Variants in DOK5 observed in about 807,000 individuals in gnomAD.
DOK5 encodes the protein downstream of tyrosine kinase 5.
In DOK5, 27 loss-of-function variants were observed where a neutral mutation model predicts 43.3. The ratio of observed to expected loss-of-function variants is 0.62; its 90% CI spans 0.46 to 0.86. The LOEUF (loss-of-function observed/expected upper bound fraction) is 0.86, where lower values mean the gene tolerates loss of function less well. Among genes scored for constraint, DOK5 ranks in the 40% least tolerant of loss-of-function variants. The pLI is 0.00. For synonymous variants in DOK5, 146 were observed against 140.1 expected, an observed-to-expected ratio of 1.04 and a Z score of -0.30; for missense variants, 373 against 392.9, an observed-to-expected ratio of 0.95 and a Z score of 0.43.
At chr20:54,624,815 G>T (rs2146809573) in intron 6 of DOK5, among the ~76,000 whole-genome samples, 1 of 152,306 alleles carries the variant, frequency 6.6e-6, no homozygotes, top group African/African-American at 2.4e-5. Context: ...TGCATCTGGT[G>T]CTCGGCAACA....
chr20:54,529,057 C>T (rs1467549546), intron 1 of DOK5, among the ~76,000 whole-genome samples: 1 of 152,184 alleles, frequency 6.6e-6, no homozygotes, highest in Non-Finnish European at 1.5e-5. Flanking sequence ...CAGGGAGAGA[C>T]AACCAGGTGC....
intron 1 of DOK5, among the ~76,000 whole-genome samples, chr20:54,533,276 C>T (rs1983842988): frequency 6.6e-6 from 1 of 152,188 alleles, no homozygotes; most frequent in Admixed American, 6.5e-5. Flanking sequence ...CTTCTCCAGA[C>T]ATTGTCAAAT....
chr20:54,550,594 A>G (rs1984497089), intron 1 of DOK5, among the ~76,000 whole-genome samples: 1 of 152,192 alleles, frequency 6.6e-6, no homozygotes, highest in Non-Finnish European at 1.5e-5. Context: ...TTCCGTTTCT[A>G]TAATTTTGTG....
At chr20:54,621,511 G>A (rs1986975718) in intron 6 of DOK5, among the ~76,000 whole-genome samples, 1 of 152,052 alleles carries the variant, frequency 6.6e-6, no homozygotes, top group Non-Finnish European at 1.5e-5. Context: ...GGCCAACATG[G>A]TGAAACCCTG....
At chr20:54,640,715 T>A (rs1236394220) in intron 6 of DOK5, among the ~76,000 whole-genome samples, 1 of 152,242 alleles carries the variant, frequency 6.6e-6, no homozygotes, top group East Asian at 1.9e-4. Context: ...TAAATATATT[T>A]GCAGTGAAGT....
chr20:54,521,686 A>G (rs984286256), intron 1 of DOK5, among the ~76,000 whole-genome samples: 1 of 152,162 alleles, frequency 6.6e-6, no homozygotes, highest in African/African-American at 2.4e-5. Flanking sequence ...CTTAGGCATG[A>G]TTAATTGAAT....
At chr20:54,483,645 G>A (rs1217874630) in intron 1 of DOK5, among the ~76,000 whole-genome samples, 2 of 152,178 alleles carry the variant, frequency 1.3e-5, no homozygotes, top group African/African-American at 4.8e-5. Context: ...TCCTAGTAGG[G>A]TGGAAATTAA....
At chr20:54,527,747 G>A (rs1983627295) in intron 1 of DOK5, among the ~76,000 whole-genome samples, 1 of 152,190 alleles carries the variant, frequency 6.6e-6, no homozygotes, top group South Asian at 2.1e-4. Context: ...TAAGATTTAA[G>A]GTTGGTGTAT....
intron 1 of DOK5, among the ~76,000 whole-genome samples, chr20:54,512,668 A>C (rs1481251483): frequency 2.6e-5 from 4 of 152,202 alleles, no homozygotes; most frequent in Non-Finnish European, 5.9e-5. Flanking sequence ...CTTTACTCTT[A>C]TGAAAACACT....
At chr20:54,611,252 G>A (rs943484512) in intron 6 of DOK5, among the ~76,000 whole-genome samples, 3 of 152,058 alleles carry the variant, frequency 2.0e-5, no homozygotes, top group African/African-American at 7.2e-5. Flanking sequence ...CTGGGGACTT[G>A]GATTACATAA....
intron 6 of DOK5, among the ~76,000 whole-genome samples, chr20:54,611,126 C>T (rs139387292): frequency 4.6e-5 from 7 of 152,302 alleles, no homozygotes; most frequent in African/African-American, 1.7e-4. Context: ...AACTGCTACC[C>T]ACAGCCATGC....
intron 5 of DOK5, among the ~76,000 whole-genome samples, chr20:54,609,639 T>C (rs1304356947): frequency 6.6e-6 from 1 of 152,122 alleles, no homozygotes; most frequent in Admixed American, 6.6e-5. Flanking sequence ...AAAAAGCATT[T>C]ATTTGTTTCT....
At chr20:54,620,243 G>T (rs1004939342) in intron 6 of DOK5, among the ~76,000 whole-genome samples, 2 of 152,040 alleles carry the variant, frequency 1.3e-5, no homozygotes, top group South Asian at 2.1e-4. Flanking sequence ...TTTATTTATT[G>T]ATTGATTGAT....
Position 54,475,929 on chromosome 20 carries a change from G to A in DOK5, c.-18G>A, listed in dbSNP as rs1466397789. On this transcript the variant is annotated 5_prime_UTR_variant, in exon 1 of 8. Coordinates refer to ENST00000262593, the MANE Select transcript of DOK5 (RefSeq NM_018431.5). The surrounding 1 kb of genome is among the most constrained non-coding windows in gnomAD (Gnocchi z 4.2). Reference sequence around the variant, plus strand: ...GGTGCGCGCTCTTGGGTAAAGGGGGGGTCACCGGCTGTCTGGGATGGCTTC... The same window carrying A: ...GGTGCGCGCTCTTGGGTAAAGGGGGAGTCACCGGCTGTCTGGGATGGCTTC... The A allele has an allele frequency of 2.5e-6, 4 of 1,612,666 alleles. No homozygotes were observed. In the African/African-American group the frequency reaches 4.0e-5, roughly 16 times the overall value.
chr20:54,480,285 T>C (rs944780078), intron 1 of DOK5, among the ~76,000 whole-genome samples: 3 of 152,178 alleles, frequency 2.0e-5, no homozygotes, highest in Non-Finnish European at 4.4e-5. Flanking sequence ...CGGCACAAGA[T>C]ACAGGTCATA....
chr20:54,552,244 T>C (rs76895502), intron 1 of DOK5, among the ~76,000 whole-genome samples: 4,934 of 152,244 alleles, frequency 0.032, 269 homozygotes, highest in African/African-American at 0.11. Flanking sequence ...CCAATGCATT[T>C]TTAGTATAGT....
rs1208443307 is a variant in DOK5 at position 54,475,598 on chromosome 20, TCTC to T, written c.-343_-341del. The stretch of plus-strand genomic sequence containing the variant: ...CCTTCCTCCTCCTCCTCCTCCTTCT[TCTC>T]CTCCTTCTCGGCCGGGAGGAGGCAG... On this transcript the variant is annotated 5_prime_UTR_variant, in exon 1 of 8. Transcript: ENST00000262593. The surrounding 1 kb of genome is among the most constrained non-coding windows in gnomAD (Gnocchi z 4.2). The T allele has an allele frequency of 2.4e-4, 87 of 360,742 alleles. No individual in the cohort carries two copies. The East Asian group carries it at 5.0e-3, about 21-fold the overall frequency. The allele number at this position is 360,742 out of a possible 1,614,324, so 22.3% of individuals were successfully genotyped here. A position where few individuals can be genotyped will look rare whatever the true frequency, so the allele number is the denominator to read the frequency against.
At chr20:54,557,901 C>G (rs184142943) in intron 2 of DOK5, among the ~76,000 whole-genome samples, 3 of 152,182 alleles carry the variant, frequency 2.0e-5, no homozygotes, top group Non-Finnish European at 4.4e-5. Flanking sequence ...TTGTCTTCCC[C>G]TCTTCCCCGC....
chr20:54,573,230 G>A (rs564016795), intron 2 of DOK5, among the ~76,000 whole-genome samples: 2 of 152,286 alleles, frequency 1.3e-5, no homozygotes, highest in African/African-American at 4.8e-5. Flanking sequence ...GGTAGGGTGA[G>A]AGTGAGCCAA....
Sources: gnomAD v4.1 joint callset for allele counts (sites outside exome capture counted in the v4.1 genomes callset) on GRCh38, gnomAD v4.1.1 for gene constraint, Gnocchi (gnomAD v3.1) non-coding constraint, MANE v1.5 for transcripts, NCBI Gene and HGNC (gene_info 2026-07-23, HGNC 2026-07-21) for gene names.